The following RIMS2 variants were observed in gnomAD, a reference collection of about 807,000 sequenced individuals.
RIMS2 encodes regulating synaptic membrane exocytosis 2, also known as regulating synaptic membrane exocytosis protein 2.
A neutral mutation model predicts 174.4 loss-of-function variants in RIMS2; 59 were observed. That is an observed-to-expected ratio of 0.34 (90% confidence interval 0.27 to 0.42). The LOEUF (loss-of-function observed/expected upper bound fraction) is 0.42, where lower values mean the gene tolerates loss of function less well. Among genes scored for constraint, RIMS2 ranks in the 10% least tolerant of loss-of-function variants. RIMS2 has a pLI of 1.00. For missense variants in RIMS2, 1,620 were observed against 1,666.3 expected (o/e 0.97, Z 0.48); for synonymous variants, 606 against 572.5 (o/e 1.06, Z -0.84).
chr8:103,503,860 G>A (rs1207587122), intron 1 of RIMS2, among the ~76,000 whole-genome samples: 2 of 151,964 alleles, frequency 1.3e-5, no homozygotes, highest in African/African-American at 4.8e-5. Flanking sequence ...TTTAATAAGA[G>A]AACTGAGTGA....
At chr8:104,032,488 A>G (rs890167087) in intron 19 of RIMS2, among the ~76,000 whole-genome samples, 3 of 152,092 alleles carry the variant, frequency 2.0e-5, no homozygotes, top group Non-Finnish European at 4.4e-5. Flanking sequence ...AACTCCCACA[A>G]GCTTAGCATT....
intron 3 of RIMS2, among the ~76,000 whole-genome samples, chr8:103,804,114 TAAAG>T (rs1324906679): frequency 6.6e-6 from 1 of 152,152 alleles, no homozygotes; most frequent in Middle Eastern, 3.2e-3. Flanking sequence ...TCAAAAAAAG[TAAAG>T]AAAAATTTAG....
At chr8:104,142,276 C>T (rs542659915) in intron 19 of RIMS2, among the ~76,000 whole-genome samples, 2 of 151,852 alleles carry the variant, frequency 1.3e-5, no homozygotes, top group Non-Finnish European at 2.9e-5. Context: ...TACAGGTGCC[C>T]GCCACCACAC....
chr8:103,976,500 A>T (rs2093433165), intron 16 of RIMS2: 1 of 152,356 alleles, frequency 6.6e-6, no homozygotes, highest in Non-Finnish European at 1.5e-5. Context: ...ATTTAAAATT[A>T]GTAACAAATA....
At chr8:103,865,625 C>T (rs2099081320) in intron 3 of RIMS2, among the ~76,000 whole-genome samples, 1 of 151,944 alleles carries the variant, frequency 6.6e-6, no homozygotes, top group Non-Finnish European at 1.5e-5. Context: ...ACCTTCATTT[C>T]CTGATAACTT....
At chr8:104,061,639 T>G (rs1044844786) in intron 19 of RIMS2, among the ~76,000 whole-genome samples, 1 of 149,442 alleles carries the variant, frequency 6.7e-6, no homozygotes, top group African/African-American at 2.4e-5. Flanking sequence ...TATAAATATA[T>G]ATTTATATTT....
intron 3 of RIMS2, among the ~76,000 whole-genome samples, chr8:103,816,058 A>T (rs3110469): frequency 0.041 from 6,302 of 152,268 alleles, 286 homozygotes; most frequent in East Asian, 0.27. Context: ...TATTTATGTT[A>T]CATGTGAACC....
intron 1 of RIMS2, among the ~76,000 whole-genome samples, chr8:103,550,199 G>A (rs547029784): frequency 1.1e-4 from 16 of 152,118 alleles, no homozygotes; most frequent in Admixed American, 5.9e-4. Flanking sequence ...TGACCACATA[G>A]TTGGGAGTAA....
At chr8:103,845,293 G>A (rs1211630338) in intron 3 of RIMS2, among the ~76,000 whole-genome samples, 4 of 151,990 alleles carry the variant, frequency 2.6e-5, no homozygotes, top group Non-Finnish European at 4.4e-5. Flanking sequence ...GTAGCCAATG[G>A]TGGTAGGAAA....
intron 1 of RIMS2, among the ~76,000 whole-genome samples, chr8:103,597,524 C>T (rs1170509475): frequency 2.6e-5 from 4 of 152,092 alleles, no homozygotes; most frequent in Non-Finnish European, 5.9e-5. Flanking sequence ...CAGTAGGTCC[C>T]ACACCTCCTG....
chr8:103,772,568 A>T (rs936067822), intron 3 of RIMS2, among the ~76,000 whole-genome samples: 1 of 152,148 alleles, frequency 6.6e-6, no homozygotes, highest in Admixed American at 6.5e-5. Flanking sequence ...ACAACTCAAT[A>T]TTGTTAAGAT....
At chr8:103,609,715 C>T (rs1199162484) in intron 1 of RIMS2, among the ~76,000 whole-genome samples, 1 of 152,166 alleles carries the variant, frequency 6.6e-6, no homozygotes, top group Non-Finnish European at 1.5e-5. Flanking sequence ...GTAACCGTTC[C>T]ATGCTGTTTG....
intron 4 of RIMS2, among the ~76,000 whole-genome samples, chr8:103,900,497 C>G (rs1490237125): frequency 6.6e-6 from 1 of 152,036 alleles, no homozygotes; most frequent in Admixed American, 6.6e-5. Context: ...TTCTGAATAC[C>G]AAGTATGTCT....
chr8:103,791,654 G>T (rs533995930), intron 3 of RIMS2, among the ~76,000 whole-genome samples: 43 of 152,170 alleles, frequency 2.8e-4, no homozygotes, highest in Non-Finnish European at 3.4e-4. Context: ...AGATCCATCA[G>T]TATGCTGTGT....
chr8:103,986,953 C>G (rs2094405624), intron 16 of RIMS2, among the ~76,000 whole-genome samples: 3 of 151,640 alleles, frequency 2.0e-5, no homozygotes, highest in Admixed American at 6.6e-5. Flanking sequence ...ACAAACTACT[C>G]TCTTCCCGCC....
At chr8:104,190,098 T>C (rs2098989985) in intron 19 of RIMS2, among the ~76,000 whole-genome samples, 1 of 151,848 alleles carries the variant, frequency 6.6e-6, no homozygotes, top group South Asian at 2.1e-4. Flanking sequence ...AGGCCAGAAG[T>C]TCAAGACCAG....
At chr8:104,009,200 A>G (rs1189400558) in intron 17 of RIMS2, among the ~76,000 whole-genome samples, 4 of 151,742 alleles carry the variant, frequency 2.6e-5, no homozygotes, top group African/African-American at 9.7e-5. Context: ...AGTATATTTT[A>G]TCATATATTT....
chr8:103,704,876 TTTG>T (rs2097206978), intron 2 of RIMS2, among the ~76,000 whole-genome samples: 1 of 151,906 alleles, frequency 6.6e-6, no homozygotes, highest in Non-Finnish European at 1.5e-5. Context: ...TAGTGAGAGG[TTTG>T]TTAATTTTGT....
At position 104,094,199 on chromosome 8, in the gene RIMS2, G is replaced by T. The variant is rs535374613; in HGVS notation, c.3334+79584G>T. ...GCTAAATTTTGTTTTACTCTTATTG[G>T]ATTAAAAATTTTATAACAGGGAGAT... On this transcript the variant is annotated intron_variant, in intron 19 of 23. Transcript: ENST00000504942. Among the ~76,000 whole-genome samples the T allele has an allele frequency of 2.6e-5, 4 of 151,762 alleles. No homozygotes were observed. The East Asian group carries it at 7.7e-4, about 29-fold the overall frequency.
Sources: gnomAD v4.1 joint callset for allele counts (sites outside exome capture counted in the v4.1 genomes callset) on GRCh38, gnomAD v4.1.1 for gene constraint, MANE v1.5 for transcripts, NCBI Gene and HGNC (gene_info 2026-07-23, HGNC 2026-07-21) for gene names.